Variants in GNAT3 observed in about 807,000 individuals in gnomAD.
GNAT3 encodes the protein G protein subunit alpha transducin 3.
Under a neutral mutation model 37.7 loss-of-function variants are expected in GNAT3, and 31 were observed. The ratio of observed to expected loss-of-function variants is 0.82; its 90% CI spans 0.62 to 1.11. GNAT3 has a LOEUF of 1.11. Among genes scored for constraint, GNAT3 ranks in the 50% most tolerant of loss-of-function variants. The probability of loss-of-function intolerance (pLI) is 0.00; values close to 1 mark genes in which losing one functional copy is unlikely to be tolerated. For missense variants in GNAT3, 437 were observed against 412.5 expected (o/e 1.06, Z -0.51); for synonymous variants, 138 against 139.8 (o/e 0.99, Z 0.09).
chr7:80,495,626 T>C (rs1484602685), intron 1 of GNAT3, among the ~76,000 whole-genome samples: 1 of 151,918 alleles, frequency 6.6e-6, no homozygotes, highest in East Asian at 1.9e-4. Context: ...CATGCCACCA[T>C]GCCTGGCTAA....
rs114922986 is a variant in GNAT3 at position 80,503,213 on chromosome 7, A to G, written c.119-8566T>C. On this transcript the variant is annotated intron_variant, in intron 1 of 7. Transcript: ENST00000398291. ...ACATGCAAAGGTATACCTGTGTTCT[A>G]GCCACCATGAACAAATCACAAGAAT... Among the ~76,000 whole-genome samples the G allele has an allele frequency of 5.0e-3, 769 of 152,304 alleles. 13 individuals are homozygous for G. Among genetic ancestry groups the G allele is most frequent in the African/African-American group, 0.017 (718 of 41,572 alleles).
chr7:80,476,364 A>C (rs185815026), intron 4 of GNAT3, among the ~76,000 whole-genome samples: 162 of 149,838 alleles, frequency 1.1e-3, no homozygotes, highest in African/African-American at 3.4e-3. Flanking sequence ...TTCTTTTCCA[A>C]TTATTTAAAC....
chr7:80,464,545 G>A (rs907337510), intron 5 of GNAT3, among the ~76,000 whole-genome samples: 1 of 152,048 alleles, frequency 6.6e-6, no homozygotes, highest in Non-Finnish European at 1.5e-5. Context: ...TTTGTTTGTT[G>A]TTGTGTTAGA....
At chr7:80,466,453 T>C (rs954385212) in intron 5 of GNAT3, among the ~76,000 whole-genome samples, 6 of 152,156 alleles carry the variant, frequency 3.9e-5, no homozygotes, top group Non-Finnish European at 7.4e-5. Context: ...AAGGTGACTT[T>C]GTAATTGCTC....
intron 2 of GNAT3, among the ~76,000 whole-genome samples, chr7:80,489,527 G>A (rs1790551741): frequency 6.6e-6 from 1 of 151,966 alleles, no homozygotes; most frequent in African/African-American, 2.4e-5. Flanking sequence ...GCTTTAGCAT[G>A]GGGGGAAAAG....
chr7:80,474,212 A>T (rs934085033), intron 5 of GNAT3, 39 bp downstream of exon 5: 1 of 1,585,318 alleles, frequency 6.3e-7, no homozygotes, highest in African/African-American at 1.3e-5. Flanking sequence ...AGCCTGATGC[A>T]TACTTCTGTC....
chr7:80,499,652 C>A (rs2116219215), intron 1 of GNAT3, among the ~76,000 whole-genome samples: 1 of 152,270 alleles, frequency 6.6e-6, no homozygotes, highest in East Asian at 1.9e-4. Context: ...CTCTTTTGAG[C>A]CAACTTAATT....
chr7:80,471,092 T>C (rs1314429788), intron 5 of GNAT3, among the ~76,000 whole-genome samples: 1 of 149,524 alleles, frequency 6.7e-6, no homozygotes, highest in East Asian at 2.1e-4. Flanking sequence ...AGCCTACATC[T>C]TTCTATCTCT....
chr7:80,462,465 A>G, intron 6 of GNAT3, 37 bp downstream of exon 6: 4 of 1,604,890 alleles, frequency 2.5e-6, no homozygotes, highest in Non-Finnish European at 3.4e-6. Flanking sequence ...CACAAAGATT[A>G]CTTTTAACCC....
At chr7:80,503,551 AT>A (rs1211716250) in intron 1 of GNAT3, among the ~76,000 whole-genome samples, 1 of 152,200 alleles carries the variant, frequency 6.6e-6, no homozygotes, top group Non-Finnish European at 1.5e-5. Flanking sequence ...AAAATATGAG[AT>A]TTATGCCAAT....
intron 3 of GNAT3, among the ~76,000 whole-genome samples, chr7:80,483,047 A>G (rs1229145444): frequency 6.6e-6 from 1 of 152,002 alleles, no homozygotes; most frequent in Non-Finnish European, 1.5e-5. Flanking sequence ...GTTGGAGCCT[A>G]CGGTAATGAT....
At chr7:80,467,873 C>G (rs761563456) in intron 5 of GNAT3, among the ~76,000 whole-genome samples, 3 of 151,856 alleles carry the variant, frequency 2.0e-5, no homozygotes, top group Non-Finnish European at 4.4e-5. Context: ...ATCTTAACTT[C>G]CACGATGTTA....
At chr7:80,476,281 A>G (rs1208144722) in intron 4 of GNAT3, among the ~76,000 whole-genome samples, 3 of 151,662 alleles carry the variant, frequency 2.0e-5, no homozygotes, top group Non-Finnish European at 4.4e-5. Context: ...TGGGAGTTCA[A>G]GTCTATAATC....
intron 1 of GNAT3, among the ~76,000 whole-genome samples, chr7:80,497,852 A>G (rs950284200): frequency 1.1e-4 from 17 of 152,056 alleles, no homozygotes; most frequent in African/African-American, 4.1e-4. Context: ...TGTCAGTTAA[A>G]TTTATTTAAA....
At chr7:80,478,596 C>T (rs1359092974) in intron 4 of GNAT3, among the ~76,000 whole-genome samples, 4 of 152,086 alleles carry the variant, frequency 2.6e-5, no homozygotes, top group Non-Finnish European at 4.4e-5. Context: ...ATATTTGCAC[C>T]ATAGAATCTT....
At position 80,496,444 on chromosome 7, in the gene GNAT3, T is replaced by C. The variant is rs1790718470; in HGVS notation, c.119-1797A>G. 2.0e-5 allele frequency among the ~76,000 whole-genome samples: 3 copies of C among 152,160 alleles called. No homozygotes were observed. The South Asian group carries it at 6.2e-4, about 31-fold the overall frequency. On this transcript the variant is annotated intron_variant, in intron 1 of 7. Transcript: ENST00000398291. ...CTGCACCCAACCCACCCTATTTAAA[T>C]TTCTAATTCGACTCTCACCCACTCA...
Position 80,458,646 on chromosome 7 carries a change from C to G in GNAT3, c.*25G>C, listed in dbSNP as rs777983389. On this transcript the variant is annotated 3_prime_UTR_variant, in exon 8 of 8. Coordinates refer to ENST00000398291, the MANE Select transcript of GNAT3 (RefSeq NM_001102386.3). Reference sequence around the variant, plus strand: ...TTATATTTTGAAAAGCATACATGAGCAAGAGTGGAAGAGAAAATAGTTGAT... The same window carrying G: ...TTATATTTTGAAAAGCATACATGAGGAAGAGTGGAAGAGAAAATAGTTGAT... 82 of 1,360,934 alleles carry G rather than the reference C, an allele frequency of 6.0e-5. No individual in the cohort carries two copies. The highest frequency in any genetic ancestry group is 8.1e-5 in the Non-Finnish European group (81 of 1,000,334). 84.3% of individuals were successfully genotyped at this position (1,360,934 alleles called of 1,614,324 possible).
At chr7:80,495,669 A>G (rs563368972) in intron 1 of GNAT3, among the ~76,000 whole-genome samples, 144 of 151,914 alleles carry the variant, frequency 9.5e-4, no homozygotes, top group African/African-American at 3.3e-3. Context: ...GGGTTTTACT[A>G]CGTTGGCTAG....
chr7:80,481,566 T>C (rs897564330), intron 3 of GNAT3, among the ~76,000 whole-genome samples: 5 of 152,190 alleles, frequency 3.3e-5, no homozygotes, highest in Admixed American at 1.3e-4. Context: ...AATATATTTT[T>C]TTGGCATATA....
Sources: gnomAD v4.1 joint callset for allele counts (sites outside exome capture counted in the v4.1 genomes callset) on GRCh38, gnomAD v4.1.1 for gene constraint, MANE v1.5 for transcripts, NCBI Gene and HGNC (gene_info 2026-07-23, HGNC 2026-07-21) for gene names.